The following PARD3 variants were observed in gnomAD, a reference collection of about 807,000 sequenced individuals.
PARD3 encodes the protein par-3 family cell polarity regulator, also known as partitioning defective 3 homolog.
In PARD3, 75 loss-of-function variants were observed where a neutral mutation model predicts 155.4. That is an observed-to-expected ratio of 0.48 (90% CI 0.40 to 0.58). The LOEUF is 0.58. PARD3 is among the 20% of genes least tolerant of loss of function. PARD3 has a pLI of 0.00. For missense variants in PARD3, 1,642 were observed against 1,721.7 expected, an observed-to-expected ratio of 0.95 and a Z score of 0.82; for synonymous variants, 576 against 610.5, an observed-to-expected ratio of 0.94 and a Z score of 0.83.
chr10:34,500,098 G>T (rs1207846489), intron 3 of PARD3, among the ~76,000 whole-genome samples: 3 of 152,154 alleles, frequency 2.0e-5, no homozygotes, highest in African/African-American at 7.2e-5. Context: ...ACAGAGGGCT[G>T]ACTACATACT....
At chr10:34,805,551 A>C (rs2134374215) in intron 1 of PARD3, among the ~76,000 whole-genome samples, 1 of 147,496 alleles carries the variant, frequency 6.8e-6, no homozygotes, top group South Asian at 2.1e-4. Flanking sequence ...GCATATATAT[A>C]TATATATATA....
At chr10:34,613,205 T>G (rs187259929) in intron 2 of PARD3, among the ~76,000 whole-genome samples, 26 of 152,326 alleles carry the variant, frequency 1.7e-4, no homozygotes, top group African/African-American at 6.0e-4. Context: ...AAAATACATT[T>G]AAAACATAGC....
At chr10:34,733,798 C>A (rs1035692207) in intron 1 of PARD3, among the ~76,000 whole-genome samples, 2 of 152,194 alleles carry the variant, frequency 1.3e-5, no homozygotes, top group African/African-American at 2.4e-5. Context: ...CCGCACCCTG[C>A]CATGGTTAGA....
chr10:34,771,553 C>T (rs1250426929), intron 1 of PARD3, among the ~76,000 whole-genome samples: 3 of 152,228 alleles, frequency 2.0e-5, no homozygotes, highest in African/African-American at 7.2e-5. Flanking sequence ...AAAAGTTACA[C>T]AAAACTGAGA....
At chr10:34,786,741 AC>A (rs1193616331) in intron 1 of PARD3, among the ~76,000 whole-genome samples, 1 of 152,138 alleles carries the variant, frequency 6.6e-6, no homozygotes, top group Non-Finnish European at 1.5e-5. Context: ...AAATTTATCC[AC>A]TCCTGACACT....
chr10:34,147,630 T>G (rs1230172156), intron 22 of PARD3, among the ~76,000 whole-genome samples: 1 of 151,924 alleles, frequency 6.6e-6, no homozygotes, highest in Non-Finnish European at 1.5e-5. Context: ...GATATCTACT[T>G]TAATTTGATA....
At chr10:34,186,520 G>C (rs1950503683) in intron 22 of PARD3, among the ~76,000 whole-genome samples, 1 of 152,116 alleles carries the variant, frequency 6.6e-6, no homozygotes, top group South Asian at 2.1e-4. Flanking sequence ...GAGCCATTCT[G>C]GAAGAAGTCA....
intron 2 of PARD3, among the ~76,000 whole-genome samples, chr10:34,695,685 G>A (rs2094156617): frequency 6.6e-6 from 1 of 152,136 alleles, no homozygotes; most frequent in Admixed American, 6.5e-5. Flanking sequence ...ACAGACCACA[G>A]TAAAGACTGG....
intron 1 of PARD3, among the ~76,000 whole-genome samples, chr10:34,703,189 C>T (rs1236485853): frequency 1.3e-5 from 2 of 151,796 alleles, no homozygotes. Flanking sequence ...TTAAGGCCAG[C>T]CTGGGCAACA....
At chr10:34,201,812 C>T (rs1156894847) in intron 22 of PARD3, among the ~76,000 whole-genome samples, 3 of 152,148 alleles carry the variant, frequency 2.0e-5, no homozygotes, top group African/African-American at 7.2e-5. Flanking sequence ...GAAGAAACGT[C>T]GTTCTGTTTC....
chr10:34,779,982 A>G (rs917472295), intron 1 of PARD3, among the ~76,000 whole-genome samples: 3 of 152,172 alleles, frequency 2.0e-5, no homozygotes, highest in African/African-American at 7.2e-5. Context: ...AATGCCACCG[A>G]GTGGCACCTG....
intron 5 of PARD3, among the ~76,000 whole-genome samples, chr10:34,448,134 C>CGTGTGTGTGT (rs35325584): frequency 0.011 from 1,632 of 147,124 alleles, 19 homozygotes; most frequent in African/African-American, 0.037. Context: ...ATATACACTG[C>CGTGTGTGTGT]GTGTGTGTGT....
At chr10:34,697,035 AACACACAC>A in intron 1 of PARD3, among the ~76,000 whole-genome samples, 1 of 136,920 alleles carries the variant, frequency 7.3e-6, no homozygotes, top group East Asian at 2.0e-4. Flanking sequence ...AAAATGCGTA[AACACACAC>A]ACACACACAC....
intron 14 of PARD3, among the ~76,000 whole-genome samples, chr10:34,355,947 C>CA (rs1554837481): frequency 1.4e-5 from 1 of 70,334 alleles, no homozygotes. Flanking sequence ...AAAAAAAAAA[C>CA]AAAACAAAAC....
intron 2 of PARD3, among the ~76,000 whole-genome samples, chr10:34,652,514 A>G (rs78670155): frequency 1.8e-3 from 279 of 152,298 alleles, no homozygotes; most frequent in African/African-American, 6.5e-3. Context: ...TGAAGCCAGC[A>G]GGGTAGAGAT....
At chr10:34,540,444 G>T (rs2083527168) in intron 2 of PARD3, among the ~76,000 whole-genome samples, 1 of 152,114 alleles carries the variant, frequency 6.6e-6, no homozygotes, top group Non-Finnish European at 1.5e-5. Flanking sequence ...TAAATACAAA[G>T]ATATAAGTAT....
At chr10:34,506,075 G>A (rs377386148) in intron 3 of PARD3, among the ~76,000 whole-genome samples, 49 of 152,120 alleles carry the variant, frequency 3.2e-4, no homozygotes, top group African/African-American at 1.1e-3. Flanking sequence ...GCGGTGAGCC[G>A]AGATGGCACC....
chr10:34,707,072 C>A (rs968730689), intron 1 of PARD3, among the ~76,000 whole-genome samples: 2 of 151,710 alleles, frequency 1.3e-5, no homozygotes, highest in East Asian at 3.9e-4. Flanking sequence ...ATGGTGAAAC[C>A]CCATCTATAC....
intron 5 of PARD3, among the ~76,000 whole-genome samples, chr10:34,442,046 T>C (rs1245274967): frequency 1.3e-5 from 2 of 152,202 alleles, no homozygotes; most frequent in African/African-American, 2.4e-5. Context: ...TTGCTAGAGA[T>C]AAACACGACT....
Sources: allele counts gnomAD v4.1 joint callset (sites outside exome capture counted in the v4.1 genomes callset), GRCh38; gene constraint gnomAD v4.1.1; transcripts MANE v1.5; gene names NCBI Gene and HGNC (gene_info 2026-07-23, HGNC 2026-07-21).